EMILIN2: variants seen among roughly 807,000 people sequenced by gnomAD.
The protein encoded by EMILIN2 is elastin microfibril interfacer 2.
EMILIN2 carries 71 observed loss-of-function variants against 87.1 expected under a neutral mutation model. The ratio of observed to expected loss-of-function variants is 0.82; its 90% CI spans 0.67 to 0.99. The LOEUF (loss-of-function observed/expected upper bound fraction) is 0.99. Among genes scored for constraint, EMILIN2 ranks in the 50% least tolerant of loss-of-function variants. The probability of loss-of-function intolerance (pLI) is 0.00; values close to 1 mark genes in which losing one functional copy is unlikely to be tolerated. For synonymous variants in EMILIN2, 581 were observed against 563.4 expected, an observed-to-expected ratio of 1.03 and a Z score of -0.44; for missense variants, 1,407 against 1,371.8, an observed-to-expected ratio of 1.03 and a Z score of -0.40.
In EMILIN2 at chr18:2,890,653, C is replaced by T. The variant is rs747120631; in HGVS notation, c.526C>T (p.Pro176Ser). Residue 176 changes from proline to serine, a missense_variant, in exon 4 of 8, where the codon CCT becomes TCT. Pro to Ser is a moderately conservative substitution (Grantham distance 74). Coordinates refer to ENST00000254528, the MANE Select transcript of EMILIN2 (RefSeq NM_032048.3). The surrounding 1 kb of genome is among the most constrained non-coding windows in gnomAD (Gnocchi z 4.7). ...PSWGVDPKEG[P>S]QELQEKKIQV... ...CTGGGGGGTAGATCCAAAAGAGGGG[C>T]CTCAGGAACTTCAGGAAAAGAAGAT... 3 of 1,614,074 alleles carry T rather than the reference C, an allele frequency of 1.9e-6. No homozygotes were observed. The highest frequency in any genetic ancestry group is 2.5e-6 in the Non-Finnish European group (3 of 1,179,968).
At chr18:2,888,260 G>GA (rs2076812508) in intron 3 of EMILIN2, among the ~76,000 whole-genome samples, 2 of 152,172 alleles carry the variant, frequency 1.3e-5, no homozygotes, top group Admixed American at 1.3e-4. Flanking sequence ...ATTATCCTTT[G>GA]AAAAAAATGC....
In EMILIN2 at chr18:2,890,873, C is replaced by G; in HGVS notation, c.746C>G (p.Pro249Arg). 6.2e-7 allele frequency: 1 copy of G among 1,613,886 alleles called. No homozygotes were observed. Among genetic ancestry groups the G allele is most frequent in the Non-Finnish European group, 8.5e-7 (1 of 1,180,036 alleles). Residue 249 changes from proline (P) to arginine (R), a missense_variant, in exon 4 of 8, where the codon CCT becomes CGT. By Grantham distance (103) the Pro-to-Arg change is moderately radical (BLOSUM62 -2). Coordinates refer to ENST00000254528, the MANE Select transcript of EMILIN2 (RefSeq NM_032048.3). The surrounding 1 kb of genome is among the most constrained non-coding windows in gnomAD (Gnocchi z 4.7). ...VSGDTETGQS[P>R]GVFNTKESGM... The stretch of plus-strand genomic sequence containing the variant: ...GGAGACACAGAAACGGGCCAGAGTC[C>G]TGGTGTCTTCAACACTAAGGAATCT...
chr18:2,913,289 C>T lies in EMILIN2; in HGVS notation c.3047C>T (p.Ala1016Val), dbSNP rs116803926. ...TTCCACCTCATCGTGCACCTGAAGG[C>T]GGGAGATGCAGTCAACGTCGTGGTG... Reference protein sequence around the residue: ...GAFHLIVHLKAGDAVNVVVTG... With the variant: ...GAFHLIVHLKVGDAVNVVVTG... Residue 1016 changes from alanine (A) to valine (V), a missense_variant, in exon 8 of 8, where the codon GCG becomes GTG. Transcript: ENST00000254528. The T allele has an allele frequency of 1.2e-5, 19 of 1,612,948 alleles. No individual in the cohort carries two copies. The highest frequency in any genetic ancestry group is 3.3e-5 in the Admixed American group (2 of 59,944).
At chr18:2,849,386 G>A (rs576871852) in intron 2 of EMILIN2, among the ~76,000 whole-genome samples, 1 of 152,342 alleles carries the variant, frequency 6.6e-6, no homozygotes, top group East Asian at 1.9e-4. Context: ...ACAATTCGGA[G>A]ATAAATGAAT....
In EMILIN2 at chr18:2,907,078, C is replaced by A; in HGVS notation, c.2655C>A (p.Gly885=). The change falls in exon 5 of 8, where the codon GGC becomes GGA. Residue 885 remains glycine, a synonymous_variant. Transcript: ENST00000254528. ...TCCCCGGCGCAGAAGGCTTCGCGGGCGCACCAGGTGAGGCCCGGGGCTGCG... is the reference window on the plus strand; with the variant it reads ...TCCCCGGCGCAGAAGGCTTCGCGGGAGCACCAGGTGAGGCCCGGGGCTGCG... ...GTVPGAEGFA[G]APGYPKSPPV... 8.0e-7 allele frequency: 1 copy of A among 1,253,272 alleles called. No homozygotes were observed. Among genetic ancestry groups the A allele is most frequent in the Admixed American group, 4.2e-5 (1 of 23,700 alleles). The allele number at this position is 1,253,272 out of a possible 1,614,324, so 77.6% of individuals were successfully genotyped here. A position where few individuals can be genotyped will look rare whatever the true frequency, so the allele number is the denominator to read the frequency against.
At chr18:2,870,773 G>A (rs988813197) in intron 2 of EMILIN2, among the ~76,000 whole-genome samples, 2 of 152,194 alleles carry the variant, frequency 1.3e-5, no homozygotes, top group African/African-American at 4.8e-5. Context: ...GTGTCCACAG[G>A]GGGTCGTAGA....
chr18:2,894,450 T>TAG lies in EMILIN2; in HGVS notation c.2359+1967_2359+1968dup, dbSNP rs2076854357. ...GCTCCTCTATCTCTGGAATGTTGAGTAGAGGTCACAAGACCATGTATGTGT... is the reference window on the plus strand; with the variant it reads ...GCTCCTCTATCTCTGGAATGTTGAGTAGAGAGGTCACAAGACCATGTATGTGT... On this transcript the variant is annotated intron_variant, in intron 4 of 7. Transcript: ENST00000254528. The surrounding 1 kb of genome is among the most constrained non-coding windows in gnomAD (Gnocchi z 5.0). 6.6e-6 allele frequency among the ~76,000 whole-genome samples: 1 copy of TAG among 152,128 alleles called. No homozygotes were observed. The highest frequency in any genetic ancestry group is 2.4e-5 in the African/African-American group (1 of 41,426).
In EMILIN2 at chr18:2,857,494, A is replaced by T. The variant is rs555589329; in HGVS notation, c.257+9563A>T. 2.0e-5 allele frequency among the ~76,000 whole-genome samples: 3 copies of T among 152,356 alleles called. No individual in the cohort carries two copies. In the South Asian group the frequency reaches 6.2e-4, roughly 32 times the overall value. Reference sequence around the variant, plus strand: ...AAGACCTAAAAGTGTTTTCTAAACCATAGTGGTGACAATGCTGCTTGTTTT... The same window carrying T: ...AAGACCTAAAAGTGTTTTCTAAACCTTAGTGGTGACAATGCTGCTTGTTTT... On this transcript the variant is annotated intron_variant, in intron 2 of 7. Coordinates refer to ENST00000254528, the MANE Select transcript of EMILIN2 (RefSeq NM_032048.3).
intron 5 of EMILIN2, 31 bp from the exon 6 acceptor site, chr18:2,908,912 T>C: frequency 6.2e-7 from 1 of 1,613,840 alleles, no homozygotes; most frequent in East Asian, 2.2e-5. Context: ...TAGGGTCTTG[T>C]TTGACATGCC....
At chr18:2,884,912 G>A in intron 2 of EMILIN2, 52 bp from the exon 3 acceptor site, 1 of 1,529,738 alleles carries the variant, frequency 6.5e-7, no homozygotes, top group Non-Finnish European at 8.8e-7. Flanking sequence ...AGCGCCGGAA[G>A]TTGCTTGTAA....
chr18:2,882,216 G>T (rs1376687479), intron 2 of EMILIN2, among the ~76,000 whole-genome samples: 4 of 152,210 alleles, frequency 2.6e-5, no homozygotes, highest in Non-Finnish European at 5.9e-5. Flanking sequence ...GAGCCTGGAA[G>T]GTCTTTCCTC....
At chr18:2,868,639 T>A (rs1269440608) in intron 2 of EMILIN2, among the ~76,000 whole-genome samples, 1 of 152,108 alleles carries the variant, frequency 6.6e-6, no homozygotes. Context: ...ACCAAAAAAA[T>A]ACGAAAACCA....
intron 5 of EMILIN2, 90 bp from the exon 6 acceptor site, chr18:2,908,853 C>G: frequency 5.3e-6 from 8 of 1,497,306 alleles, no homozygotes; most frequent in Non-Finnish European, 7.4e-6. Flanking sequence ...TCGATTTGAA[C>G]TTGTGAGGAG....
chr18:2,884,005 G>A (rs1003181628), intron 2 of EMILIN2, among the ~76,000 whole-genome samples: 6 of 152,148 alleles, frequency 3.9e-5, no homozygotes, highest in Non-Finnish European at 8.8e-5. Context: ...ACCCAGGCTG[G>A]AGTGCAGTGG....
intron 4 of EMILIN2, among the ~76,000 whole-genome samples, chr18:2,902,901 A>G (rs548834436): frequency 6.6e-6 from 1 of 152,212 alleles, no homozygotes; most frequent in African/African-American, 2.4e-5. Flanking sequence ...AGGGAGAACA[A>G]GGGCGGATTT....
chr18:2,868,847 G>A (rs2076704831), intron 2 of EMILIN2, among the ~76,000 whole-genome samples: 1 of 152,154 alleles, frequency 6.6e-6, no homozygotes, highest in South Asian at 2.1e-4. Context: ...TTAGGATTTA[G>A]CTGTGAATCC....
At chr18:2,897,725 G>T (rs1053611374) in intron 4 of EMILIN2, among the ~76,000 whole-genome samples, 3 of 152,102 alleles carry the variant, frequency 2.0e-5, no homozygotes, top group African/African-American at 7.2e-5. Context: ...AGCTGGGTGT[G>T]GTGATGTGCA....
chr18:2,850,508 C>T (rs373495296), intron 2 of EMILIN2, among the ~76,000 whole-genome samples: 33 of 151,958 alleles, frequency 2.2e-4, no homozygotes, highest in Middle Eastern at 3.4e-3. Flanking sequence ...TCGGCTCAAG[C>T]GATCCTCCTA....
chr18:2,889,694 T>TTTC (rs201108470), intron 3 of EMILIN2, among the ~76,000 whole-genome samples: 80 of 90,312 alleles, frequency 8.9e-4, no homozygotes, highest in African/African-American at 3.7e-3. Context: ...TTTCTTTTCT[T>TTTC]TTTTTTTTTT....
Sources: allele counts gnomAD v4.1 joint callset (sites outside exome capture counted in the v4.1 genomes callset), GRCh38; gene constraint gnomAD v4.1.1; non-coding constraint Gnocchi (gnomAD v3.1); transcripts MANE v1.5; gene names NCBI Gene and HGNC (gene_info 2026-07-23, HGNC 2026-07-21).